The following GTPBP4 variants were observed in gnomAD, a reference collection of about 807,000 sequenced individuals.
The protein encoded by GTPBP4 is GTP-binding protein 4.
GTPBP4 carries 15 observed loss-of-function variants against 81.7 expected under a neutral mutation model. The ratio of observed to expected loss-of-function variants is 0.18; its 90% CI spans 0.12 to 0.28. GTPBP4 has a LOEUF of 0.28. Among genes scored for constraint, GTPBP4 ranks in the 10% least tolerant of loss-of-function variants. The pLI is 1.00. For synonymous variants in GTPBP4, 272 were observed against 274.6 expected, an observed-to-expected ratio of 0.99 and a Z score of 0.09; for missense variants, 847 against 793.8, an observed-to-expected ratio of 1.07 and a Z score of -0.81.
intron 8 of GTPBP4, among the ~76,000 whole-genome samples, chr10:1,001,475 G>T (rs1042611597): frequency 1.3e-5 from 2 of 152,146 alleles, no homozygotes; most frequent in African/African-American, 4.8e-5. Flanking sequence ...CAGTATTGTT[G>T]GACATAATTT....
chr10:1,016,492 C>G (rs1339219678), intron 16 of GTPBP4, among the ~76,000 whole-genome samples: 2 of 152,240 alleles, frequency 1.3e-5, no homozygotes, highest in Non-Finnish European at 2.9e-5. Context: ...GTATAAACTG[C>G]AGTCTCCTTC....
Position 1,000,969 on chromosome 10 carries a change from A to G in GTPBP4, c.868A>G (p.Lys290Glu). The change falls in exon 8 of 17, where the codon AAA becomes GAA. Residue 290 changes from lysine to glutamate, a missense_variant. Around this residue, in one of 3 missense-constraint regions of GTPBP4, gnomAD observed 600 missense variants for 557.1 expected, o/e 1.08. Transcript: ENST00000360803. ...CTAGCCTCTCATAGTTGTAGCCAAC[A>G]AATGTGATGTGAAGAGAATAGCTGA... is the stretch of plus-strand genomic sequence containing the variant. ...INKPLIVVAN[K>E]CDVKRIAELS... 2 of 1,612,266 alleles carry G rather than the reference A, an allele frequency of 1.2e-6. No individual in the cohort carries two copies. Among genetic ancestry groups the G allele is most frequent in the Non-Finnish European group, 1.7e-6 (2 of 1,178,290 alleles).
intron 1 of GTPBP4, 47 bp downstream of exon 1, chr10:988,574 C>G: frequency 6.8e-7 from 1 of 1,471,392 alleles, no homozygotes; most frequent in Non-Finnish European, 9.5e-7. Context: ...TTCTCCTCAG[C>G]TGGGTCCCCG....
intron 8 of GTPBP4, among the ~76,000 whole-genome samples, chr10:1,001,675 A>T (rs1218556858): frequency 1.3e-5 from 1 of 79,498 alleles, no homozygotes; most frequent in Non-Finnish European, 2.3e-5. Flanking sequence ...TATAATTCTC[A>T]TGGGTGGTTT....
chr10:994,219 G>C (rs1250891), intron 2 of GTPBP4, among the ~76,000 whole-genome samples: 19,620 of 152,028 alleles, frequency 0.13, 1,578 homozygotes, highest in Non-Finnish European at 0.19. Flanking sequence ...GTACTAGAGA[G>C]TACCTGGGGG....
chr10:996,899 C>T, intron 4 of GTPBP4: 1 of 322,718 alleles, frequency 3.1e-6, no homozygotes, highest in Non-Finnish European at 5.7e-6. Flanking sequence ...TGTCATCTTG[C>T]TAATGAGAAT....
intron 14 of GTPBP4, among the ~76,000 whole-genome samples, chr10:1,013,601 C>T (rs1365528323): frequency 5.3e-5 from 8 of 151,996 alleles, no homozygotes; most frequent in African/African-American, 1.2e-4. Context: ...CAGAGCAAGA[C>T]TCCATCTCAA....
At chr10:996,267 C>T in intron 4 of GTPBP4, 25 bp downstream of exon 4, 1 of 1,601,890 alleles carries the variant, frequency 6.2e-7, no homozygotes, top group Non-Finnish European at 8.5e-7. Flanking sequence ...TCCGCGGGAA[C>T]CGTGCTAGCA....
chr10:1,017,035 T>C (rs1832005474), intron 16 of GTPBP4, 40 bp from the exon 17 acceptor site: 2 of 1,564,506 alleles, frequency 1.3e-6, no homozygotes, highest in South Asian at 1.1e-5. Flanking sequence ...AAATTGGTTT[T>C]AAGTAATGAA....
At chr10:992,882 C>G (rs1450688699) in intron 2 of GTPBP4, among the ~76,000 whole-genome samples, 1 of 152,192 alleles carries the variant, frequency 6.6e-6, no homozygotes, top group Non-Finnish European at 1.5e-5. Flanking sequence ...CCAACCAAAA[C>G]CCATCTAAGG....
rs41294962 is a variant in GTPBP4 at position 1,015,825 on chromosome 10, C to G, written c.1681C>G (p.Pro561Ala). The G allele has an allele frequency of 5.9e-3, 9,524 of 1,613,976 alleles. 71 individuals carry two copies. Among genetic ancestry groups the G allele is most frequent in the Middle Eastern group, 6.1e-3 (37 of 6,062 alleles). ...AAGAAAGCGGGAAGACTCTGCTCCC[C>G]CGTCCTCTGTGGCCCGGAGTGGGAG... is the stretch of plus-strand genomic sequence containing the variant. ...RKRKREDSAP[P>A]SSVARSGSCS... is the part of the protein sequence containing the mutation. Residue 561 changes from proline (P) to alanine (A), a missense_variant, in exon 16 of 17, where the codon CCG (proline) becomes GCG (alanine). By Grantham distance (27) the Pro-to-Ala change is conservative. This residue lies in a region of GTPBP4 where 600 missense variants were observed against 557.1 expected (regional missense o/e 1.08). Transcript: ENST00000360803.
rs140905340 is a variant in GTPBP4 at position 1,017,149 on chromosome 10, G to C, written c.1827G>C (p.Ala609=). 4.5e-5 allele frequency: 73 copies of C among 1,613,650 alleles called. No individual in the cohort carries two copies. The African/African-American group carries it at 8.9e-4, about 20-fold the overall frequency. The part of the protein sequence containing the change: ...KMNRLGKKGE[A]DRHVFDMKPK... The stretch of plus-strand genomic sequence containing the variant: ...ATCGGTTGGGGAAGAAAGGGGAGGC[G>C]GATAGACACGTGTTTGATATGAAGC... The change falls in exon 17 of 17, where the codon GCG becomes GCC. Residue 609 remains alanine, a synonymous_variant. Coordinates refer to ENST00000360803, the MANE Select transcript of GTPBP4 (RefSeq NM_012341.3).
intron 8 of GTPBP4, among the ~76,000 whole-genome samples, chr10:1,004,533 C>T (rs974326374): frequency 5.9e-5 from 9 of 152,076 alleles, no homozygotes; most frequent in East Asian, 1.9e-4. Context: ...CCCCAGGCAC[C>T]GTTGCCCTGG....
chr10:1,001,556 C>G (rs1305901429), intron 8 of GTPBP4, among the ~76,000 whole-genome samples: 3 of 152,208 alleles, frequency 2.0e-5, no homozygotes, highest in East Asian at 3.8e-4. Context: ...GAAGCGTGCA[C>G]TGGTGGAGTG....
chr10:1,009,174 G>A, intron 11 of GTPBP4, 139 bp downstream of exon 11: 2 of 644,388 alleles, frequency 3.1e-6, no homozygotes, highest in South Asian at 3.7e-5. Flanking sequence ...ACAGCAGTGA[G>A]TCCCCCTGCA....
rs114141514 is a variant in GTPBP4, at chr10:995,101, T to A, written c.220-828T>A. On this transcript the variant is annotated intron_variant, in intron 2 of 16. Coordinates refer to ENST00000360803, the MANE Select transcript of GTPBP4 (RefSeq NM_012341.3). ...GTGGTAGTCAAGGGTCGAGTTTATA[T>A]GCACTGGTGAGATATCTCAGGAGAT... 7.5e-3 allele frequency among the ~76,000 whole-genome samples: 1,146 copies of A among 152,276 alleles called. 19 individuals are homozygous for A. Among genetic ancestry groups the A allele is most frequent in the African/African-American group, 0.026 (1,085 of 41,542 alleles).
At chr10:998,131 G>A (rs879823805) in intron 5 of GTPBP4, among the ~76,000 whole-genome samples, 9 of 151,592 alleles carry the variant, frequency 5.9e-5, no homozygotes, top group Non-Finnish European at 1.0e-4. Context: ...ACAGGGTCTC[G>A]CTCTGTTGCC....
At chr10:1,004,854 C>T (rs1310033584) in intron 8 of GTPBP4, among the ~76,000 whole-genome samples, 1 of 152,158 alleles carries the variant, frequency 6.6e-6, no homozygotes. Context: ...GTGGCCACTT[C>T]CCCTGAGCAA....
At chr10:992,283 C>T (rs1021833448) in intron 1 of GTPBP4, among the ~76,000 whole-genome samples, 1 of 151,276 alleles carries the variant, frequency 6.6e-6, no homozygotes, top group East Asian at 2.0e-4. Flanking sequence ...GCCTGTAGTC[C>T]CAGCTACTCT....
Sources: gnomAD v4.1 joint callset for allele counts (sites outside exome capture counted in the v4.1 genomes callset) on GRCh38, gnomAD v4.1.1 for gene constraint, gnomAD v4.1.1 regional missense constraint, MANE v1.5 for transcripts, NCBI Gene and HGNC (gene_info 2026-07-23, HGNC 2026-07-21) for gene names.